SPTLC2: variants seen among roughly 807,000 people sequenced by gnomAD.
The protein encoded by SPTLC2 is serine palmitoyltransferase long chain base subunit 2, also known as serine palmitoyltransferase 2.
SPTLC2 carries 21 observed loss-of-function variants against 62.0 expected under a neutral mutation model. That is an observed-to-expected ratio of 0.34 (90% CI 0.24 to 0.49). The LOEUF is 0.49. Among genes scored for constraint, SPTLC2 ranks in the 20% least tolerant of loss-of-function variants. The probability of loss-of-function intolerance (pLI) is 0.99; values close to 1 mark genes in which losing one functional copy is unlikely to be tolerated. For missense variants in SPTLC2, 511 were observed against 713.0 expected (o/e 0.72, Z 3.23); for synonymous variants, 261 against 261.8 (o/e 1.00, Z 0.03).
intron 8 of SPTLC2, chr14:77,554,958 A>T: frequency 2.9e-6 from 1 of 349,688 alleles, no homozygotes; most frequent in Non-Finnish European, 5.5e-6. Context: ...GGCTCCCATG[A>T]CAACCCCACT....
chr14:77,524,110 G>A (rs2079397655), intron 9 of SPTLC2, among the ~76,000 whole-genome samples: 1 of 152,140 alleles, frequency 6.6e-6, no homozygotes, highest in Non-Finnish European at 1.5e-5. Flanking sequence ...ACAAATGATT[G>A]CTAAGGCAAC....
chr14:77,533,946 C>T (rs1289821563), intron 9 of SPTLC2, among the ~76,000 whole-genome samples: 1 of 152,022 alleles, frequency 6.6e-6, no homozygotes, highest in Non-Finnish European at 1.5e-5. Flanking sequence ...ATCCCTTGAG[C>T]TCAGGAGTTC....
chr14:77,611,818 T>C (rs1595022305), intron 1 of SPTLC2, among the ~76,000 whole-genome samples: 1 of 144,412 alleles, frequency 6.9e-6, no homozygotes, highest in African/African-American at 2.6e-5. Context: ...AGAGTGAGAC[T>C]CCGTCTCAAA....
intron 9 of SPTLC2, among the ~76,000 whole-genome samples, chr14:77,538,529 C>T (rs2079482557): frequency 6.6e-6 from 1 of 152,114 alleles, no homozygotes; most frequent in African/African-American, 2.4e-5. Flanking sequence ...ATAATTTCAC[C>T]ATCTTCCTGA....
chr14:77,564,912 G>A (rs2079636213), intron 5 of SPTLC2, among the ~76,000 whole-genome samples: 2 of 152,012 alleles, frequency 1.3e-5, no homozygotes, highest in African/African-American at 2.4e-5. Flanking sequence ...AGTAAGTATA[G>A]AAAGAATGAG....
At chr14:77,553,554 AC>A (rs1399936836) in intron 8 of SPTLC2, among the ~76,000 whole-genome samples, 2 of 151,892 alleles carry the variant, frequency 1.3e-5, no homozygotes, top group African/African-American at 2.4e-5. Context: ...ACACGGTGAA[AC>A]CCTGTCTCTA....
At chr14:77,587,641 CCTGT>C (rs2079789329) in intron 2 of SPTLC2, among the ~76,000 whole-genome samples, 3 of 151,868 alleles carry the variant, frequency 2.0e-5, no homozygotes, top group Admixed American at 2.0e-4. Flanking sequence ...GTGGCAGGCA[CCTGT>C]AATCCCAGCT....
chr14:77,583,241 A>AT (rs1555376911), intron 2 of SPTLC2, among the ~76,000 whole-genome samples: 65 of 148,112 alleles, frequency 4.4e-4, no homozygotes, highest in African/African-American at 7.4e-4. Context: ...AAATAAATAA[A>AT]AATAATAATT....
chr14:77,597,860 A>G (rs1595013751), intron 1 of SPTLC2, among the ~76,000 whole-genome samples: 1 of 151,572 alleles, frequency 6.6e-6, no homozygotes, highest in Non-Finnish European at 1.5e-5. Flanking sequence ...ACGGTGGCTC[A>G]CGCCTATAAT....
At chr14:77,564,699 T>TA (rs909296130) in intron 5 of SPTLC2, among the ~76,000 whole-genome samples, 25 of 146,402 alleles carry the variant, frequency 1.7e-4, no homozygotes, top group Middle Eastern at 3.5e-3. Flanking sequence ...AAGAATGCTT[T>TA]AAAAAAAAAA....
At chr14:77,609,607 T>A (rs112912175) in intron 1 of SPTLC2, among the ~76,000 whole-genome samples, 14,742 of 152,084 alleles carry the variant, frequency 0.097, 768 homozygotes, top group Middle Eastern at 0.18. Context: ...CGTGGTGGCA[T>A]GTGCCTGTAG....
chr14:77,512,783 C>T (rs555249808), intron 11 of SPTLC2, among the ~76,000 whole-genome samples: 4 of 152,128 alleles, frequency 2.6e-5, no homozygotes, highest in East Asian at 1.9e-4. Flanking sequence ...TGGCGCCCTC[C>T]GAGCTCACTG....
Position 77,545,202 on chromosome 14 carries a change from TA to T in SPTLC2, c.1303+6893del, listed in dbSNP as rs953926569. On this transcript the variant is annotated intron_variant, in intron 9 of 11. Transcript: ENST00000216484. The stretch of plus-strand genomic sequence containing the variant: ...AATTAGAAAAACTATAGGTGACAAT[TA>T]AAAAAAAATCAATTCCTTTTTGGAA... Among the ~76,000 whole-genome samples, 4 of 149,726 alleles carry T rather than the reference TA, an allele frequency of 2.7e-5. No individual in the cohort carries two copies. The East Asian group carries it at 5.8e-4, about 22-fold the overall frequency.
chr14:77,615,097 A>G (rs553007777), intron 1 of SPTLC2, among the ~76,000 whole-genome samples: 58 of 152,340 alleles, frequency 3.8e-4, no homozygotes, highest in Non-Finnish European at 6.6e-4. Context: ...ATTTTGTCTT[A>G]TAAGTCGTTT....
At chr14:77,566,386 T>C (rs2079645002) in intron 5 of SPTLC2, among the ~76,000 whole-genome samples, 1 of 152,256 alleles carries the variant, frequency 6.6e-6, no homozygotes, top group Non-Finnish European at 1.5e-5. Flanking sequence ...AATAATTCTA[T>C]GTAGCAGACA....
At chr14:77,551,483 T>C (rs992459774) in intron 9 of SPTLC2, among the ~76,000 whole-genome samples, 22 of 152,050 alleles carry the variant, frequency 1.4e-4, no homozygotes, top group African/African-American at 4.8e-4. Flanking sequence ...GACACCCAGT[T>C]GCTCCCCTTT....
intron 2 of SPTLC2, among the ~76,000 whole-genome samples, chr14:77,587,741 G>A (rs1195059669): frequency 6.9e-6 from 1 of 144,440 alleles, no homozygotes; most frequent in Non-Finnish European, 1.5e-5. Flanking sequence ...TGGGCGACAA[G>A]AGCAAAACTC....
At chr14:77,616,164 A>G (rs1327133982) in intron 1 of SPTLC2, among the ~76,000 whole-genome samples, 1 of 152,094 alleles carries the variant, frequency 6.6e-6, no homozygotes, top group African/African-American at 2.4e-5. Context: ...GACAGCACAC[A>G]CTTCTGGCAG....
intron 9 of SPTLC2, among the ~76,000 whole-genome samples, chr14:77,543,496 A>G (rs1407048682): frequency 6.6e-6 from 1 of 152,204 alleles, no homozygotes; most frequent in Non-Finnish European, 1.5e-5. Context: ...ACAGTTTTAG[A>G]GGTAGAAGGC....
Sources: allele counts gnomAD v4.1 joint callset (sites outside exome capture counted in the v4.1 genomes callset), GRCh38; gene constraint gnomAD v4.1.1; transcripts MANE v1.5; gene names NCBI Gene and HGNC (gene_info 2026-07-23, HGNC 2026-07-21).